The following SPATA17 variants were observed in gnomAD, a reference collection of about 807,000 sequenced individuals.
SPATA17 encodes the protein spermatogenesis associated 17.
A neutral mutation model predicts 62.2 loss-of-function variants in SPATA17; 53 were observed. The ratio of observed to expected loss-of-function variants is 0.85; its 90% CI spans 0.68 to 1.07. The LOEUF (loss-of-function observed/expected upper bound fraction) is 1.07. Ranked by LOEUF, SPATA17 falls within the 50% of genes least tolerant of loss-of-function variation. The pLI is 0.00. For missense variants in SPATA17, 466 were observed against 425.5 expected, an observed-to-expected ratio of 1.10 and a Z score of -0.84; for synonymous variants, 146 against 146.8, an observed-to-expected ratio of 0.99 and a Z score of 0.04.
intron 1 of SPATA17, among the ~76,000 whole-genome samples, chr1:217,632,592 C>A (rs370406350): frequency 5.3e-5 from 8 of 152,180 alleles, no homozygotes; most frequent in Non-Finnish European, 7.3e-5. Flanking sequence ...GAGATAATAT[C>A]TATCTCCCCT....
At chr1:217,678,282 C>T (rs1036888656) in intron 4 of SPATA17, among the ~76,000 whole-genome samples, 5 of 144,270 alleles carry the variant, frequency 3.5e-5, no homozygotes, top group Non-Finnish European at 3.0e-5. Flanking sequence ...AGTCTCGGCT[C>T]TCTGCAACCT....
At chr1:217,734,669 A>G (rs1274504217) in intron 5 of SPATA17, among the ~76,000 whole-genome samples, 2 of 152,140 alleles carry the variant, frequency 1.3e-5, no homozygotes, top group Non-Finnish European at 2.9e-5. Flanking sequence ...TAAGAAATCT[A>G]TGTAGTATTT....
intron 5 of SPATA17, among the ~76,000 whole-genome samples, chr1:217,688,268 A>T (rs139564588): frequency 0.05 from 7,625 of 151,800 alleles, 245 homozygotes; most frequent in Middle Eastern, 0.12. Context: ...AATATTTTTT[A>T]AAAAACTGGT....
At chr1:217,820,769 C>T (rs1674837874) in intron 9 of SPATA17, among the ~76,000 whole-genome samples, 1 of 151,972 alleles carries the variant, frequency 6.6e-6, no homozygotes, top group Non-Finnish European at 1.5e-5. Flanking sequence ...ATATTTGGTT[C>T]ATAAATAATA....
intron 9 of SPATA17, among the ~76,000 whole-genome samples, chr1:217,840,224 T>C (rs76543550): frequency 0.011 from 1,615 of 152,290 alleles, 32 homozygotes; most frequent in African/African-American, 0.037. Flanking sequence ...GACTTTTAGA[T>C]GTCTTTTTGC....
chr1:217,869,609 GA>G lies in SPATA17; in HGVS notation c.*2591del, dbSNP rs1676089236. 6.6e-6 allele frequency: 1 copy of G among 152,042 alleles called. No homozygotes were observed. The highest frequency in any genetic ancestry group is 2.1e-4 in the South Asian group (1 of 4,830). The allele number at this position is 152,042 out of a possible 1,614,324, so 9.4% of individuals were successfully genotyped here. Reference sequence around the variant, plus strand: ...TTTCAAGGCCTGATATTTGTCATGTGATGCTATACTACAGTCAGGCTGAAAC... The same window carrying G: ...TTTCAAGGCCTGATATTTGTCATGTGTGCTATACTACAGTCAGGCTGAAAC... On this transcript the variant is annotated 3_prime_UTR_variant, in exon 11 of 11. Coordinates refer to ENST00000366933, the MANE Select transcript of SPATA17 (RefSeq NM_138796.4).
intron 3 of SPATA17, among the ~76,000 whole-genome samples, chr1:217,653,456 G>A (rs1449984953): frequency 6.6e-6 from 1 of 152,028 alleles, no homozygotes; most frequent in African/African-American, 2.4e-5. Context: ...AAGGTGATCA[G>A]GATAATTTGT....
intron 8 of SPATA17, 51 bp from the exon 9 acceptor site, chr1:217,801,667 C>A (rs138818707): frequency 1.3e-5 from 19 of 1,492,054 alleles, no homozygotes; most frequent in Admixed American, 6.4e-5. Flanking sequence ...TTTTAAAAAT[C>A]AAATGTCTCT....
chr1:217,796,739 C>G (rs1462086511), intron 8 of SPATA17, among the ~76,000 whole-genome samples: 1 of 152,122 alleles, frequency 6.6e-6, no homozygotes, highest in Non-Finnish European at 1.5e-5. Context: ...AATATCTCTT[C>G]AACAAAAACT....
At chr1:217,636,968 C>A (rs10863332) in intron 1 of SPATA17, among the ~76,000 whole-genome samples, 91,820 of 151,948 alleles carry the variant, frequency 0.6, 28,719 homozygotes, top group African/African-American at 0.68. Context: ...TAATTGGCTT[C>A]GCTGAAGGGA....
At chr1:217,706,537 A>G (rs1671741060) in intron 5 of SPATA17, among the ~76,000 whole-genome samples, 1 of 152,136 alleles carries the variant, frequency 6.6e-6, no homozygotes, top group South Asian at 2.1e-4. Flanking sequence ...CTGTGCTCTC[A>G]CACGTTCTTG....
chr1:217,717,980 T>C (rs992673544), intron 5 of SPATA17, among the ~76,000 whole-genome samples: 3 of 152,152 alleles, frequency 2.0e-5, no homozygotes, highest in African/African-American at 7.2e-5. Context: ...TCATAAGCAG[T>C]GGCTAGGAAA....
chr1:217,733,678 C>G (rs1025734507), intron 5 of SPATA17, among the ~76,000 whole-genome samples: 1 of 152,112 alleles, frequency 6.6e-6, no homozygotes, highest in Non-Finnish European at 1.5e-5. Context: ...TGTTAATTCT[C>G]TACATGATAT....
At chr1:217,697,432 C>G (rs1434284153) in intron 5 of SPATA17, among the ~76,000 whole-genome samples, 1 of 152,152 alleles carries the variant, frequency 6.6e-6, no homozygotes, top group Non-Finnish European at 1.5e-5. Flanking sequence ...AATTTGCAAT[C>G]CTGCTGAAAG....
intron 9 of SPATA17, among the ~76,000 whole-genome samples, chr1:217,827,134 T>C (rs1236345242): frequency 6.6e-6 from 1 of 152,076 alleles, no homozygotes; most frequent in South Asian, 2.1e-4. Context: ...AAAAGCCATT[T>C]GGAAAAACTG....
rs145602928 is a variant in SPATA17 at position 217,683,561 on chromosome 1, C to T, written c.395+200C>T. On this transcript the variant is annotated intron_variant, in intron 5 of 10. Transcript: ENST00000366933. Reference sequence around the variant, plus strand: ...TCAAGCAATTCTCCTGCCTCAGACTCCCGAGTAGGTGGGATAACAGGCGCC... The same window carrying T: ...TCAAGCAATTCTCCTGCCTCAGACTTCCGAGTAGGTGGGATAACAGGCGCC... Among the ~76,000 whole-genome samples, 1,424 of 152,230 alleles carry T rather than the reference C, an allele frequency of 9.4e-3. 9 individuals carry two copies. The highest frequency in any genetic ancestry group is 0.017 in the Admixed American group (255 of 15,290).
At chr1:217,633,140 G>C (rs758333358) in intron 1 of SPATA17, among the ~76,000 whole-genome samples, 1 of 152,116 alleles carries the variant, frequency 6.6e-6, no homozygotes, top group Non-Finnish European at 1.5e-5. Context: ...AGAGGTTGTA[G>C]TGAGCCGAGA....
intron 3 of SPATA17, among the ~76,000 whole-genome samples, chr1:217,661,260 G>A (rs1670562762): frequency 7.2e-6 from 1 of 138,058 alleles, no homozygotes; most frequent in Admixed American, 7.0e-5. Flanking sequence ...AGAATAAACA[G>A]GAAAACAGTG....
intron 9 of SPATA17, among the ~76,000 whole-genome samples, chr1:217,826,303 A>G (rs1675000320): frequency 6.6e-6 from 1 of 152,250 alleles, no homozygotes; most frequent in East Asian, 1.9e-4. Flanking sequence ...TTCCAGCTTT[A>G]TGACCTCACT....
Sources: gnomAD v4.1 joint callset for allele counts (sites outside exome capture counted in the v4.1 genomes callset) on GRCh38, gnomAD v4.1.1 for gene constraint, MANE v1.5 for transcripts, NCBI Gene and HGNC (gene_info 2026-07-23, HGNC 2026-07-21) for gene names.